KLF5: variants seen among roughly 807,000 people sequenced by gnomAD.
KLF5 encodes the protein Krueppel-like factor 5.
Under a neutral mutation model 36.9 loss-of-function variants are expected in KLF5, and 9 were observed. That is an observed-to-expected ratio of 0.24 (90% CI 0.15 to 0.43). The LOEUF (loss-of-function observed/expected upper bound fraction) is 0.43. Among genes scored for constraint, KLF5 ranks in the 20% least tolerant of loss-of-function variants. The pLI is 1.00. For missense variants in KLF5, 524 were observed against 599.5 expected (o/e 0.87, Z 1.31); for synonymous variants, 246 against 241.7 (o/e 1.02, Z -0.17).
rs994725034 is a variant in KLF5 at position 73,077,376 on chromosome 13, G to C, written c.*1490G>C. On this transcript the variant is annotated 3_prime_UTR_variant, in exon 4 of 4. Coordinates refer to ENST00000377687, the MANE Select transcript of KLF5 (RefSeq NM_001730.5). ...CACACCTACATGAAAAGCAGAAATC[G>C]GTTGCTGTTTTGCTTCTTTTTCCCT... The C allele has an allele frequency of 6.6e-6, 1 of 152,564 alleles. No individual in the cohort carries two copies. Among genetic ancestry groups the C allele is most frequent in the Non-Finnish European group, 1.5e-5 (1 of 68,038 alleles). 9.5% of individuals were successfully genotyped at this position (152,564 alleles called of 1,614,324 possible).
At chr13:73,059,728 C>T (rs2044617080) in intron 1 of KLF5, 140 bp downstream of exon 1, 3 of 910,642 alleles carry the variant, frequency 3.3e-6, no homozygotes, top group Non-Finnish European at 1.3e-6. Flanking sequence ...GTGGGCAGCC[C>T]CGCCCTGCAC....
At chr13:73,058,671 G>A (rs2044599123), upstream of KLF5, 1 of 151,606 alleles carries the variant, frequency 6.6e-6, no homozygotes, top group African/African-American at 2.4e-5. Flanking sequence ...ACAGTGCGAA[G>A]AGATCTCCCT....
chr13:73,074,560 G>A (rs1409224032), intron 3 of KLF5, among the ~76,000 whole-genome samples: 3 of 152,240 alleles, frequency 2.0e-5, no homozygotes, highest in South Asian at 4.1e-4. Flanking sequence ...CTGAAAGAAC[G>A]TTTTGGCATT....
At chr13:73,065,551 G>C (rs531999761) in intron 3 of KLF5, among the ~76,000 whole-genome samples, 12 of 152,132 alleles carry the variant, frequency 7.9e-5, no homozygotes, top group African/African-American at 2.4e-4. Context: ...GGCAGCCCAA[G>C]GTAGAAATTT....
chr13:73,064,035 T>A, intron 3 of KLF5, 152 bp downstream of exon 3: 1 of 553,178 alleles, frequency 1.8e-6, no homozygotes, highest in Non-Finnish European at 3.1e-6. Context: ...ACAGGCTTGG[T>A]TCAGAATTCA....
At position 73,072,953 on chromosome 13, in the gene KLF5, A is replaced by G. The variant is rs531674322; in HGVS notation, c.1196-2755A>G. Among the ~76,000 whole-genome samples, 15 of 152,318 alleles carry G rather than the reference A, an allele frequency of 9.8e-5. No homozygotes were observed. In the East Asian group the frequency reaches 2.7e-3, roughly 27 times the overall value. On this transcript the variant is annotated intron_variant, in intron 3 of 3. Coordinates refer to ENST00000377687, the MANE Select transcript of KLF5 (RefSeq NM_001730.5). Reference sequence around the variant, plus strand: ...GTTTTCTGTGCTGTACAAACTTGTCACTTTTTTCTTTTTGCCTTTGGAAAG... The same window carrying G: ...GTTTTCTGTGCTGTACAAACTTGTCGCTTTTTTCTTTTTGCCTTTGGAAAG...
chr13:73,058,075 T>TA (rs1265111603), upstream of KLF5, among the ~76,000 whole-genome samples: 7 of 152,376 alleles, frequency 4.6e-5, no homozygotes, highest in African/African-American at 1.7e-4. Flanking sequence ...GCTAGGTTTC[T>TA]GCTTTGTAAA....
chr13:73,068,476 G>A (rs1434558764), intron 3 of KLF5, among the ~76,000 whole-genome samples: 1 of 152,126 alleles, frequency 6.6e-6, no homozygotes, highest in Non-Finnish European at 1.5e-5. Flanking sequence ...GGCCGAAGCA[G>A]GTGGATCACC....
Position 73,075,697 on chromosome 13 carries a change from C to T in KLF5, c.1196-11C>T, listed in dbSNP as rs377023758. On this transcript the variant is annotated splice_polypyrimidine_tract_variant and intron_variant, in intron 3 of 3. Coordinates refer to ENST00000377687, the MANE Select transcript of KLF5 (RefSeq NM_001730.5). ...AGCAGGCCGCTTTACCTCCTTTGTT[C>T]GTTGTCACAGGTGAAAAGCCATACA... 19 of 1,568,812 alleles carry T rather than the reference C, an allele frequency of 1.2e-5. No homozygotes were observed. Among genetic ancestry groups the T allele is most frequent in the Non-Finnish European group, 1.4e-5 (16 of 1,145,032 alleles).
chr13:73,076,085 A>T lies in KLF5; in HGVS notation c.*199A>T. 4.7e-6 allele frequency: 2 copies of T among 426,782 alleles called. No individual in the cohort carries two copies. Among genetic ancestry groups the T allele is most frequent in the Non-Finnish European group, 8.1e-6 (2 of 246,082 alleles). 26.4% of individuals were successfully genotyped at this position (426,782 alleles called of 1,614,324 possible). A position where few individuals can be genotyped will look rare whatever the true frequency, so the allele number is the denominator to read the frequency against. ...TGTTTGGTCATTTTAAGAATCTGGA[A>T]TGCTTGCTGTAATGTATATGGCTTT... On this transcript the variant is annotated 3_prime_UTR_variant, in exon 4 of 4. Coordinates refer to ENST00000377687, the MANE Select transcript of KLF5 (RefSeq NM_001730.5).
chr13:73,075,596 C>T, intron 3 of KLF5, 112 bp from the exon 4 acceptor site: 1 of 870,432 alleles, frequency 1.1e-6, no homozygotes. Flanking sequence ...CATGAGCTTT[C>T]CTTCTTTCGC....
intron 3 of KLF5, among the ~76,000 whole-genome samples, chr13:73,073,825 T>TA (rs1185376954): frequency 1.3e-5 from 2 of 152,220 alleles, no homozygotes; most frequent in Admixed American, 6.5e-5. Context: ...CTACTGGTGT[T>TA]AAAATATTTC....
chr13:73,065,750 A>G (rs2044673977), intron 3 of KLF5, among the ~76,000 whole-genome samples: 1 of 152,212 alleles, frequency 6.6e-6, no homozygotes, highest in Non-Finnish European at 1.5e-5. Flanking sequence ...CTTGAGAGAT[A>G]GGAGGGAACA....
At chr13:73,059,782 G>GA in intron 1 of KLF5, 194 bp downstream of exon 1, 1 of 724,452 alleles carries the variant, frequency 1.4e-6, no homozygotes, top group Non-Finnish European at 1.7e-6. Flanking sequence ...AATGGGGGGG[G>GA]GGGCCGGGGG....
At chr13:73,072,221 GA>G (rs1444608601) in intron 3 of KLF5, among the ~76,000 whole-genome samples, 2 of 136,670 alleles carry the variant, frequency 1.5e-5, no homozygotes, top group Non-Finnish European at 3.3e-5. Flanking sequence ...AAGTCATTCA[GA>G]GGGGGGAAAA....
In KLF5 at chr13:73,062,164, T is replaced by C. The variant is rs2044641546; in HGVS notation, c.565T>C (p.Phe189Leu). 6.2e-7 allele frequency: 1 copy of C among 1,613,834 alleles called. No individual in the cohort carries two copies. The highest frequency in any genetic ancestry group is 8.5e-7 in the Non-Finnish European group (1 of 1,180,006). Residue 189 changes from phenylalanine to leucine, a missense_variant, in exon 2 of 4, where the codon TTC becomes CTC. By Grantham distance (22) the Phe-to-Leu change is conservative. This residue lies in a region of KLF5 where 454 missense variants were observed against 458.1 expected (regional missense o/e 0.99). Transcript: ENST00000377687. ...GGCCCCGACCCAGGCCCTCCCTGAGTTCACCAGTATATTCAGCTCACACCA... is the reference window on the plus strand; with the variant it reads ...GGCCCCGACCCAGGCCCTCCCTGAGCTCACCAGTATATTCAGCTCACACCA... ...PPAPTQALPE[F>L]TSIFSSHQTA...
intron 3 of KLF5, among the ~76,000 whole-genome samples, chr13:73,074,466 A>G (rs1180264148): frequency 6.6e-6 from 1 of 152,216 alleles, no homozygotes; most frequent in African/African-American, 2.4e-5. Flanking sequence ...ATACTTTAAT[A>G]TACAAATTTA....
chr13:73,062,540 G>A lies in KLF5; in HGVS notation c.941G>A (p.Arg314Lys). The A allele has an allele frequency of 1.9e-6, 3 of 1,614,180 alleles. No individual in the cohort carries two copies. Among genetic ancestry groups the A allele is most frequent in the Non-Finnish European group, 2.5e-6 (3 of 1,180,032 alleles). ...AGCTCAGAGCCTGGAAGTCCAGATA[G>A]ACAAGCAGAGATGCTCCAGAATTTA... is the stretch of plus-strand genomic sequence containing the variant. ...PPSSEPGSPD[R>K]QAEMLQNLTP... Residue 314 changes from arginine (R) to lysine (K), a missense_variant, in exon 2 of 4, where the codon AGA becomes AAA. Around this residue, in one of 4 missense-constraint regions of KLF5, gnomAD observed 454 missense variants for 458.1 expected, o/e 0.99. Transcript: ENST00000377687.
chr13:73,074,467 T>C (rs1483135978), intron 3 of KLF5, among the ~76,000 whole-genome samples: 1 of 152,208 alleles, frequency 6.6e-6, no homozygotes, highest in Admixed American at 6.5e-5. Flanking sequence ...TACTTTAATA[T>C]ACAAATTTAT....
Sources: gnomAD v4.1 joint callset for allele counts (sites outside exome capture counted in the v4.1 genomes callset) on GRCh38, gnomAD v4.1.1 for gene constraint, gnomAD v4.1.1 regional missense constraint, MANE v1.5 for transcripts, NCBI Gene and HGNC (gene_info 2026-07-23, HGNC 2026-07-21) for gene names.